REEP3: variants seen among roughly 807,000 people sequenced by gnomAD.
REEP3 encodes receptor expression-enhancing protein 3.
A neutral mutation model predicts 41.3 loss-of-function variants in REEP3; 20 were observed. The ratio of observed to expected loss-of-function variants is 0.48; its 90% CI spans 0.34 to 0.70. The LOEUF is 0.70. Among genes scored for constraint, REEP3 ranks in the 30% least tolerant of loss-of-function variants. REEP3 has a pLI of 0.01. For synonymous variants in REEP3, 104 were observed against 101.8 expected, an observed-to-expected ratio of 1.02 and a Z score of -0.13; for missense variants, 271 against 308.8, an observed-to-expected ratio of 0.88 and a Z score of 0.92.
chr10:63,550,388 A>T (rs1955617406), intron 1 of REEP3, among the ~76,000 whole-genome samples: 1 of 152,228 alleles, frequency 6.6e-6, no homozygotes, highest in Non-Finnish European at 1.5e-5. Context: ...ATTAGCTTGA[A>T]TATATCAAAT....
chr10:63,529,714 C>G (rs1449615563), intron 1 of REEP3, among the ~76,000 whole-genome samples: 5 of 151,080 alleles, frequency 3.3e-5, no homozygotes. Context: ...GCATTCCTAC[C>G]ACCTTGGCCT....
chr10:63,531,919 C>A (rs1488858335), intron 1 of REEP3, among the ~76,000 whole-genome samples: 1 of 152,174 alleles, frequency 6.6e-6, no homozygotes, highest in Non-Finnish European at 1.5e-5. Context: ...GCTGATCAAT[C>A]TGTCACAATC....
At chr10:63,532,218 G>A (rs1173452162) in intron 1 of REEP3, among the ~76,000 whole-genome samples, 3 of 152,040 alleles carry the variant, frequency 2.0e-5, no homozygotes, top group African/African-American at 7.2e-5. Context: ...AACTATCAAG[G>A]AAATCATAAA....
intron 1 of REEP3, among the ~76,000 whole-genome samples, chr10:63,534,913 C>T (rs1955460013): frequency 6.6e-6 from 1 of 152,128 alleles, no homozygotes; most frequent in Non-Finnish European, 1.5e-5. Flanking sequence ...GAAAGGAAAG[C>T]AGTCAGTTTT....
chr10:63,594,688 G>A, intron 2 of REEP3, 90 bp from the exon 3 acceptor site: 1 of 824,092 alleles, frequency 1.2e-6, no homozygotes, highest in Non-Finnish European at 2.1e-6. Flanking sequence ...AAATTATTAT[G>A]AAATCCAGAA....
chr10:63,545,438 G>A (rs866581085), intron 1 of REEP3, among the ~76,000 whole-genome samples: 1 of 151,846 alleles, frequency 6.6e-6, no homozygotes, highest in East Asian at 1.9e-4. Context: ...GCAGTGGTGC[G>A]GTCTCGGCTC....
At position 63,571,224 on chromosome 10, in the gene REEP3, TTTTG is replaced by T. The variant is rs1358392820; in HGVS notation, c.105+4818_105+4821del. On this transcript the variant is annotated intron_variant, in intron 2 of 7. Transcript: ENST00000373758. ...TGATTTCCTACGAGTTTCAAAGTAC[TTTTG>T]TTTATTATTGTTTTAATTTGCTACC... Among the ~76,000 whole-genome samples, 15 of 152,322 alleles carry T rather than the reference TTTTG, an allele frequency of 9.8e-5. No homozygotes were observed. In the East Asian group the frequency reaches 1.7e-3, roughly 18 times the overall value.
chr10:63,521,612 G>A (rs1564987109), intron 1 of REEP3, 35 bp downstream of exon 1: 2 of 1,381,914 alleles, frequency 1.4e-6, no homozygotes, highest in Admixed American at 2.7e-5. Context: ...CAGCCGGCGC[G>A]AGGCCCAGGG....
At chr10:63,542,064 C>T (rs372916570) in intron 1 of REEP3, among the ~76,000 whole-genome samples, 1 of 147,130 alleles carries the variant, frequency 6.8e-6, no homozygotes, top group Non-Finnish European at 1.5e-5. Context: ...GACATCACTA[C>T]TTCTTTTTGT....
At chr10:63,529,788 T>TG (rs1258438236) in intron 1 of REEP3, among the ~76,000 whole-genome samples, 1 of 151,120 alleles carries the variant, frequency 6.6e-6, no homozygotes. Flanking sequence ...TCTTTTTTTT[T>TG]TTTTGAGACT....
intron 2 of REEP3, among the ~76,000 whole-genome samples, chr10:63,586,982 A>AT (rs1482123528): frequency 2.7e-5 from 3 of 110,300 alleles, no homozygotes; most frequent in East Asian, 3.0e-4. Flanking sequence ...ACGTTTATGC[A>AT]TGTTTTTTTT....
intron 2 of REEP3, among the ~76,000 whole-genome samples, chr10:63,589,995 A>G (rs1322081624): frequency 6.6e-6 from 1 of 151,914 alleles, no homozygotes; most frequent in Non-Finnish European, 1.5e-5. Flanking sequence ...GGGTTTCACC[A>G]TGTTGGCCAG....
intron 1 of REEP3, among the ~76,000 whole-genome samples, chr10:63,527,258 G>A (rs1955373716): frequency 6.7e-6 from 1 of 148,346 alleles, no homozygotes; most frequent in African/African-American, 2.5e-5. Flanking sequence ...GATCTTTCTC[G>A]ACAGCATACC....
At chr10:63,538,788 A>G (rs1470095902) in intron 1 of REEP3, among the ~76,000 whole-genome samples, 1 of 152,148 alleles carries the variant, frequency 6.6e-6, no homozygotes, top group Admixed American at 6.5e-5. Context: ...TAAATGGTGA[A>G]TTTTCCATGT....
intron 2 of REEP3, among the ~76,000 whole-genome samples, chr10:63,591,127 GTTT>G (rs5785582): frequency 2.9e-5 from 4 of 135,940 alleles, no homozygotes; most frequent in Admixed American, 7.4e-5. Flanking sequence ...TTTTGTTTTT[GTTT>G]TTTTTTTTTT....
chr10:63,554,983 G>C (rs1955664026), intron 1 of REEP3, among the ~76,000 whole-genome samples: 1 of 152,150 alleles, frequency 6.6e-6, no homozygotes, highest in Non-Finnish European at 1.5e-5. Flanking sequence ...GTTTGAGTCT[G>C]AGTTGCTGTA....
At chr10:63,528,268 C>T (rs1260372116) in intron 1 of REEP3, among the ~76,000 whole-genome samples, 2 of 152,138 alleles carry the variant, frequency 1.3e-5, no homozygotes. Flanking sequence ...CCCCATCTGG[C>T]TCCTCTGGCA....
chr10:63,594,559 C>A (rs1443628798), intron 2 of REEP3, among the ~76,000 whole-genome samples: 1 of 152,150 alleles, frequency 6.6e-6, no homozygotes, highest in Non-Finnish European at 1.5e-5. Flanking sequence ...CTCCTGCTAT[C>A]CCAAGACTGT....
intron 1 of REEP3, 82 bp from the exon 2 acceptor site, chr10:63,566,256 A>G (rs929000454): frequency 2.5e-5 from 18 of 731,256 alleles, no homozygotes; most frequent in African/African-American, 1.3e-4. Context: ...ATTTACAGTT[A>G]TTTGTTTATT....
Sources: allele counts gnomAD v4.1 joint callset (sites outside exome capture counted in the v4.1 genomes callset), GRCh38; gene constraint gnomAD v4.1.1; transcripts MANE v1.5; gene names NCBI Gene and HGNC (gene_info 2026-07-23, HGNC 2026-07-21).